Variants in ENOX1 observed in about 807,000 individuals in gnomAD.
ENOX1 encodes candidate growth-related and time keeping constitutive hydroquinone (NADH) oxidase.
ENOX1 carries 42 observed loss-of-function variants against 82.5 expected under a neutral mutation model. The ratio of observed to expected loss-of-function variants is 0.51; its 90% CI spans 0.40 to 0.66. The LOEUF (loss-of-function observed/expected upper bound fraction) is 0.66, where lower values mean the gene tolerates loss of function less well. Ranked by LOEUF, ENOX1 falls within the 30% of genes least tolerant of loss-of-function variation. ENOX1 has a pLI of 0.00. For missense variants in ENOX1, 608 were observed against 811.6 expected (o/e 0.75, Z 3.05); for synonymous variants, 271 against 282.2 (o/e 0.96, Z 0.40).
intron 2 of ENOX1, among the ~76,000 whole-genome samples, chr13:43,656,004 A>G (rs1377261500): frequency 6.6e-6 from 1 of 152,202 alleles, no homozygotes; most frequent in African/African-American, 2.4e-5. Flanking sequence ...CTCATCCAAA[A>G]GACCCCTATT....
intron 2 of ENOX1, among the ~76,000 whole-genome samples, chr13:43,566,055 G>GA (rs1362156958): frequency 6.6e-6 from 1 of 152,134 alleles, no homozygotes; most frequent in African/African-American, 2.4e-5. Flanking sequence ...TGATAATTAA[G>GA]AAAAGGAAAT....
chr13:43,598,057 T>G (rs998298587), intron 2 of ENOX1, among the ~76,000 whole-genome samples: 3 of 152,136 alleles, frequency 2.0e-5, no homozygotes, highest in Admixed American at 6.5e-5. Flanking sequence ...ACACTTTACA[T>G]GTTGAAATTG....
chr13:43,641,511 G>C (rs1048809510), intron 2 of ENOX1, among the ~76,000 whole-genome samples: 1 of 144,332 alleles, frequency 6.9e-6, no homozygotes, highest in South Asian at 2.3e-4. Flanking sequence ...AAAAGTAACA[G>C]AGTAACATTA....
At chr13:43,358,550 T>G (rs1180090385) in intron 7 of ENOX1, among the ~76,000 whole-genome samples, 1 of 152,118 alleles carries the variant, frequency 6.6e-6, no homozygotes, top group Admixed American at 6.5e-5. Flanking sequence ...AGGATAGGGT[T>G]CTTGAGATAG....
chr13:43,522,999 A>C (rs2077836265), intron 2 of ENOX1, among the ~76,000 whole-genome samples: 1 of 152,166 alleles, frequency 6.6e-6, no homozygotes, highest in Non-Finnish European at 1.5e-5. Context: ...TTTGGATTTC[A>C]ACCACATCAC....
chr13:43,428,628 C>T (rs2055468874), intron 3 of ENOX1, among the ~76,000 whole-genome samples: 1 of 152,150 alleles, frequency 6.6e-6, no homozygotes, highest in African/African-American at 2.4e-5. Flanking sequence ...CCCTTTCTGC[C>T]AGAACCTTCT....
intron 2 of ENOX1, among the ~76,000 whole-genome samples, chr13:43,603,636 T>G: frequency 7.0e-6 from 1 of 141,974 alleles, no homozygotes; most frequent in African/African-American, 2.7e-5. Context: ...GAATATGCGG[T>G]GTTTGGTTTT....
At chr13:43,589,338 C>T (rs1256644818) in intron 2 of ENOX1, among the ~76,000 whole-genome samples, 1 of 151,686 alleles carries the variant, frequency 6.6e-6, no homozygotes, top group African/African-American at 2.4e-5. Flanking sequence ...GCACCAAAAG[C>T]CAATAGCCTG....
chr13:43,346,038 T>G (rs2049358841), intron 8 of ENOX1, among the ~76,000 whole-genome samples: 1 of 152,162 alleles, frequency 6.6e-6, no homozygotes, highest in Admixed American at 6.5e-5. Context: ...CTCACCAGAT[T>G]TTAAAATCAA....
intron 15 of ENOX1, among the ~76,000 whole-genome samples, chr13:43,235,393 C>A (rs2042486157): frequency 6.6e-6 from 1 of 152,100 alleles, no homozygotes; most frequent in South Asian, 2.1e-4. Flanking sequence ...TTCTCTAGGT[C>A]CTGTTGTACC....
intron 5 of ENOX1, among the ~76,000 whole-genome samples, chr13:43,375,127 T>C (rs892664698): frequency 6.6e-6 from 1 of 152,226 alleles, no homozygotes; most frequent in Non-Finnish European, 1.5e-5. Flanking sequence ...TGGTGGCTTC[T>C]GAGACTCTAC....
At chr13:43,612,679 T>G (rs2082246579) in intron 2 of ENOX1, among the ~76,000 whole-genome samples, 2 of 152,328 alleles carry the variant, frequency 1.3e-5, no homozygotes, top group South Asian at 4.1e-4. Flanking sequence ...AAAGTTAGTC[T>G]GGTAACTCAT....
chr13:43,348,688 G>A (rs2049557462), intron 8 of ENOX1, among the ~76,000 whole-genome samples: 1 of 152,182 alleles, frequency 6.6e-6, no homozygotes, highest in Non-Finnish European at 1.5e-5. Context: ...GAATCACTTG[G>A]TAGCCACCTG....
At chr13:43,382,217 G>C (rs1217891007) in intron 5 of ENOX1, among the ~76,000 whole-genome samples, 2 of 152,032 alleles carry the variant, frequency 1.3e-5, no homozygotes, top group Non-Finnish European at 2.9e-5. Flanking sequence ...AGTAATTCAC[G>C]TAATTTACCA....
At chr13:43,221,487 C>T (rs1406896267) in intron 16 of ENOX1, among the ~76,000 whole-genome samples, 3 of 152,142 alleles carry the variant, frequency 2.0e-5, no homozygotes, top group African/African-American at 7.2e-5. Context: ...TGATTTTTGA[C>T]TCAGCAAAGC....
At chr13:43,737,782 C>T (rs1566855296) in intron 1 of ENOX1, among the ~76,000 whole-genome samples, 1 of 152,114 alleles carries the variant, frequency 6.6e-6, no homozygotes, top group Non-Finnish European at 1.5e-5. Flanking sequence ...CATGCATTTA[C>T]CTTGACTTTT....
chr13:43,268,697 A>T (rs1003512353), intron 13 of ENOX1, among the ~76,000 whole-genome samples: 1 of 152,194 alleles, frequency 6.6e-6, no homozygotes, highest in African/African-American at 2.4e-5. Flanking sequence ...TGTATGAAAA[A>T]TTTAAAACAA....
At chr13:43,607,345 T>A (rs1029817519) in intron 2 of ENOX1, among the ~76,000 whole-genome samples, 3 of 152,236 alleles carry the variant, frequency 2.0e-5, no homozygotes, top group Admixed American at 6.5e-5. Flanking sequence ...TCTTTATTAA[T>A]GAAGCTTTCT....
chr13:43,576,412 T>C (rs1006861459), intron 2 of ENOX1, among the ~76,000 whole-genome samples: 19 of 152,236 alleles, frequency 1.2e-4, no homozygotes, highest in Non-Finnish European at 2.6e-4. Context: ...TTGACACTTA[T>C]CACACTTAGA....
Sources: allele counts gnomAD v4.1 joint callset (sites outside exome capture counted in the v4.1 genomes callset), GRCh38; gene constraint gnomAD v4.1.1; transcripts MANE v1.5; gene names NCBI Gene and HGNC (gene_info 2026-07-23, HGNC 2026-07-21).